The following HIVEP2 variants were observed in gnomAD, a reference collection of about 807,000 sequenced individuals.
The protein encoded by HIVEP2 is HIVEP zinc finger 2.
HIVEP2 carries 14 observed loss-of-function variants against 180.7 expected under a neutral mutation model. The observed-to-expected ratio is 0.08, with a 90% CI of 0.05 to 0.12. HIVEP2 has a LOEUF of 0.12. Ranked by LOEUF, HIVEP2 falls within the 10% of genes least tolerant of loss-of-function variation. The pLI is 1.00. For synonymous variants in HIVEP2, 1,184 were observed against 1,136.4 expected (o/e 1.04, Z -0.84); for missense variants, 2,579 against 3,008.5 (o/e 0.86, Z 3.34).
rs769597457 is a variant in HIVEP2 at position 142,760,419 on chromosome 6, C to T, written c.5869G>A (p.Val1957Ile). ...PVNVGAVPHG[V>I]PSDSSLGHSS... ...TGTCCCAGGGAACTATCTGAAGGAA[C>T]CCCGTGGGGTACGGCGCCAACATTC... The change falls in exon 9 of 10, where the codon GTT becomes ATT. Residue 1957 changes from valine (V) to isoleucine (I), a missense_variant. Transcript: ENST00000367603. 1 of 1,614,140 alleles carries T rather than the reference C, an allele frequency of 6.2e-7. No homozygotes were observed. The highest frequency in any genetic ancestry group is 8.5e-7 in the Non-Finnish European group (1 of 1,180,026).
chr6:142,803,929 T>A (rs1295626420), intron 2 of HIVEP2, among the ~76,000 whole-genome samples: 1 of 152,132 alleles, frequency 6.6e-6, no homozygotes, highest in Non-Finnish European at 1.5e-5. Flanking sequence ...TATGAACCTG[T>A]TGAACTCCTA....
intron 1 of HIVEP2, among the ~76,000 whole-genome samples, chr6:142,887,839 C>T (rs560821032): frequency 2.4e-4 from 37 of 151,806 alleles, no homozygotes; most frequent in Non-Finnish European, 3.8e-4. Context: ...AGAGTATGTG[C>T]GTTTATCTTT....
In HIVEP2 at chr6:142,772,464, C is replaced by T. The variant is rs369024815; in HGVS notation, c.2275G>A (p.Asp759Asn). 23 of 1,614,072 alleles carry T rather than the reference C, an allele frequency of 1.4e-5. No individual in the cohort carries two copies. The highest frequency in any genetic ancestry group is 1.9e-5 in the Non-Finnish European group (22 of 1,180,048). Residue 759 changes from aspartate to asparagine, a missense_variant, in exon 5 of 10, where the codon GAC (aspartate) becomes AAC (asparagine). Transcript: ENST00000367603. The surrounding 1 kb of genome is among the most constrained non-coding windows in gnomAD (Gnocchi z 4.9). ...NLSHGHTERF[D>N]PCRPQLQPGS... ...GGCTGCAGTTGGGGCCGACATGGGTCAAAGCGTTCCGTGTGACCATGAGAA... is the reference window on the plus strand; with the variant it reads ...GGCTGCAGTTGGGGCCGACATGGGTTAAAGCGTTCCGTGTGACCATGAGAA...
In HIVEP2 at chr6:142,825,498, C is replaced by T. The variant is rs114219481; in HGVS notation, c.-528+11437G>A. ...CCACAGCTAACCACTCACATTGTTG[C>T]CATGATATTGATATTATTCAATTTA... is the stretch of plus-strand genomic sequence containing the variant. On this transcript the variant is annotated intron_variant, in intron 2 of 9. Coordinates refer to ENST00000367603, the MANE Select transcript of HIVEP2 (RefSeq NM_006734.4). Among the ~76,000 whole-genome samples the T allele has an allele frequency of 3.9e-3, 598 of 152,088 alleles. 3 individuals carry two copies. The highest frequency in any genetic ancestry group is 0.013 in the African/African-American group (558 of 41,492).
chr6:142,815,062 A>C (rs1388626237), intron 2 of HIVEP2, among the ~76,000 whole-genome samples: 1 of 152,154 alleles, frequency 6.6e-6, no homozygotes, highest in Non-Finnish European at 1.5e-5. Context: ...AGAGGGACAA[A>C]GGGGGCTAAC....
chr6:142,788,712 C>T (rs1339863492), intron 2 of HIVEP2, among the ~76,000 whole-genome samples: 2 of 142,198 alleles, frequency 1.4e-5, no homozygotes, highest in Admixed American at 7.1e-5. Context: ...GACTCCATCT[C>T]GAAAAACAAC....
chr6:142,882,321 G>C (rs1401622627), intron 1 of HIVEP2, among the ~76,000 whole-genome samples: 1 of 152,106 alleles, frequency 6.6e-6, no homozygotes, highest in Non-Finnish European at 1.5e-5. Flanking sequence ...TAGAAAAGAA[G>C]TAGAAGAGGC....
chr6:142,797,930 C>A (rs1776317393), intron 2 of HIVEP2, among the ~76,000 whole-genome samples: 1 of 151,964 alleles, frequency 6.6e-6, no homozygotes, highest in African/African-American at 2.4e-5. Flanking sequence ...CTGGAAAAAT[C>A]CTCTTTTTTG....
intron 2 of HIVEP2, among the ~76,000 whole-genome samples, chr6:142,801,392 A>T (rs1582872190): frequency 7.5e-6 from 1 of 132,986 alleles, no homozygotes; most frequent in African/African-American, 2.8e-5. Flanking sequence ...CCAGCCTGGG[A>T]GACAGAGTGA....
intron 3 of HIVEP2, among the ~76,000 whole-genome samples, chr6:142,779,766 A>T (rs1290771942): frequency 1.3e-5 from 2 of 152,226 alleles, no homozygotes; most frequent in African/African-American, 4.8e-5. Context: ...TAATACCTTT[A>T]TAAATCAGAC....
intron 9 of HIVEP2, among the ~76,000 whole-genome samples, chr6:142,758,147 GA>G (rs1383329239): frequency 6.6e-6 from 1 of 152,250 alleles, no homozygotes. Context: ...ATAAACTGCA[GA>G]AGATCCCTCT....
rs557711265 is a variant in HIVEP2, at chr6:142,872,499, C to G, written c.-640-35452G>C. Among the ~76,000 whole-genome samples the G allele has an allele frequency of 4.1e-4, 63 of 152,290 alleles. No individual in the cohort carries two copies. In the South Asian group the frequency reaches 0.013, roughly 31 times the overall value. ...AAATATAAGTTGATGCCATCTTTTTCTGCTCCAGCAAATGGTTGGAGCAAA... is the reference window on the plus strand; with the variant it reads ...AAATATAAGTTGATGCCATCTTTTTGTGCTCCAGCAAATGGTTGGAGCAAA... On this transcript the variant is annotated intron_variant, in intron 1 of 9. Coordinates refer to ENST00000367603, the MANE Select transcript of HIVEP2 (RefSeq NM_006734.4).
At position 142,768,438 on chromosome 6, in the gene HIVEP2, A is replaced by G. The variant is rs1282253846; in HGVS notation, c.5286T>C (p.Asp1762=). The G allele has an allele frequency of 6.2e-7, 1 of 1,613,250 alleles. No homozygotes were observed. Among genetic ancestry groups the G allele is most frequent in the Admixed American group, 1.7e-5 (1 of 59,902 alleles). The change falls in exon 6 of 10, where the codon GAT becomes GAC. Residue 1762 remains aspartate, a synonymous_variant. Coordinates refer to ENST00000367603, the MANE Select transcript of HIVEP2 (RefSeq NM_006734.4). The stretch of plus-strand genomic sequence containing the variant: ...CAGTTTGTTTGGATCCAATATCTTT[A>G]TCTCCATGAATATCTCCTTTCCCTC... ...KERGKGDIHG[D]KDIGSKQTEP... is the part of the protein sequence containing the mutation.
In HIVEP2 at chr6:142,832,754, C is replaced by A. The variant is rs1384680605; in HGVS notation, c.-528+4181G>T. On this transcript the variant is annotated intron_variant, in intron 2 of 9. Transcript: ENST00000367603. ...AACTCCAGAGGCCATTCTTGATCCA[C>A]AAGGGATATTGCTTGGAAATCATGA... Among the ~76,000 whole-genome samples the A allele has an allele frequency of 1.6e-4, 24 of 152,132 alleles. 1 individual carries two copies. Among genetic ancestry groups the A allele is most frequent in the Admixed American group, 1.6e-3 (24 of 15,274 alleles).
At chr6:142,786,270 T>C (rs1418554841) in intron 2 of HIVEP2, among the ~76,000 whole-genome samples, 1 of 152,224 alleles carries the variant, frequency 6.6e-6, no homozygotes, top group Non-Finnish European at 1.5e-5. Flanking sequence ...GATGATTATT[T>C]CTTTAACTTT....
intron 2 of HIVEP2, among the ~76,000 whole-genome samples, chr6:142,804,670 A>C (rs1466129098): frequency 6.6e-6 from 1 of 152,196 alleles, no homozygotes; most frequent in African/African-American, 2.4e-5. Context: ...TAAAAAGTTA[A>C]AAATTGTTCT....
At chr6:142,810,854 T>C (rs897522816) in intron 2 of HIVEP2, among the ~76,000 whole-genome samples, 23 of 151,488 alleles carry the variant, frequency 1.5e-4, no homozygotes, top group African/African-American at 5.1e-4. Flanking sequence ...GTCTTCAAAC[T>C]GATTTCTGCT....
At chr6:142,938,755 T>C (rs946310210) in intron 1 of HIVEP2, among the ~76,000 whole-genome samples, 8 of 152,232 alleles carry the variant, frequency 5.3e-5, no homozygotes, top group African/African-American at 1.9e-4. Context: ...CAAGTGAATC[T>C]GCCACAGTGC....
intron 6 of HIVEP2, among the ~76,000 whole-genome samples, chr6:142,767,741 G>A (rs535028118): frequency 2.0e-5 from 3 of 152,232 alleles, no homozygotes; most frequent in African/African-American, 7.2e-5. Flanking sequence ...AAATAACAAA[G>A]TCTTTGAACC....
Sources: allele counts gnomAD v4.1 joint callset (sites outside exome capture counted in the v4.1 genomes callset), GRCh38; gene constraint gnomAD v4.1.1; non-coding constraint Gnocchi (gnomAD v3.1); transcripts MANE v1.5; gene names NCBI Gene and HGNC (gene_info 2026-07-23, HGNC 2026-07-21).